PRSS16: variants seen among roughly 807,000 people sequenced by gnomAD.
PRSS16 encodes serine protease 16, also known as thymus-specific serine protease.
PRSS16 carries 43 observed loss-of-function variants against 61.7 expected under a neutral mutation model. The ratio of observed to expected loss-of-function variants is 0.70; its 90% CI spans 0.55 to 0.90. PRSS16 has a LOEUF of 0.90. Among genes scored for constraint, PRSS16 ranks in the 40% least tolerant of loss-of-function variants. The pLI is 0.00. For missense variants in PRSS16, 591 were observed against 659.1 expected, an observed-to-expected ratio of 0.90 and a Z score of 1.13; for synonymous variants, 273 against 285.2, an observed-to-expected ratio of 0.96 and a Z score of 0.43.
intron 9 of PRSS16, 44 bp from the exon 10 acceptor site, chr6:27,254,649 T>G (rs974870417): frequency 6.6e-7 from 1 of 1,509,772 alleles, no homozygotes; most frequent in African/African-American, 1.4e-5. Flanking sequence ...AGGAGAGTGG[T>G]GGGCTGCCTG....
rs755832764 is a variant in PRSS16, at chr6:27,248,064, G to T, written c.237+16G>T. On this transcript the variant is annotated intron_variant, in intron 2 of 11. Transcript: ENST00000230582. ...CTTCCTACAGGTGAGGCCGGGAGAC[G>T]GGGAGTCCACTAACCATCCTGCCCT... 4 of 1,609,196 alleles carry T rather than the reference G, an allele frequency of 2.5e-6. No homozygotes were observed. The highest frequency in any genetic ancestry group is 3.4e-6 in the Non-Finnish European group (4 of 1,177,924).
rs1246068750 is a variant in PRSS16 at position 27,251,239 on chromosome 6, G to A, written c.692G>A (p.Ser231Asn). Residue 231 changes from serine to asparagine, a missense_variant, in exon 7 of 12, where the codon AGC becomes AAC. Ser to Asn is a conservative substitution (Grantham distance 46, BLOSUM62 1). Transcript: ENST00000230582. The surrounding 1 kb of genome is among the most constrained non-coding windows in gnomAD (Gnocchi z 5.6). Reference sequence around the variant, plus strand: ...CAGGTGGTATCCCGAAGCCTAATGAGCACCGCGATCGGCGGGTCCCTGGAG... The same window carrying A: ...CAGGTGGTATCCCGAAGCCTAATGAACACCGCGATCGGCGGGTCCCTGGAG... ...YNDVVSRSLM[S>N]TAIGGSLECR... 6.2e-7 allele frequency: 1 copy of A among 1,611,030 alleles called. No individual in the cohort carries two copies. The highest frequency in any genetic ancestry group is 2.2e-5 in the East Asian group (1 of 44,792).
At chr6:27,253,457 A>G (rs1408317733) in intron 9 of PRSS16, 1 of 447,320 alleles carries the variant, frequency 2.2e-6, no homozygotes, top group Non-Finnish European at 4.5e-6. Context: ...CCTCTGTACA[A>G]TCCAACTTTT....
chr6:27,247,840 C>G, intron 1 of PRSS16, 33 bp downstream of exon 1: 2 of 1,613,392 alleles, frequency 1.2e-6, no homozygotes, highest in South Asian at 2.2e-5. Context: ...GCAGGGCATC[C>G]TAAGGGGGCC....
intron 9 of PRSS16, chr6:27,253,351 C>T (rs984430965): frequency 9.9e-5 from 33 of 333,410 alleles, no homozygotes; most frequent in African/African-American, 6.6e-4. Flanking sequence ...ATCCCTTGTG[C>T]TTTCTATGCC....
intron 4 of PRSS16, 94 bp downstream of exon 4, chr6:27,249,323 A>C: frequency 6.9e-7 from 1 of 1,444,470 alleles, no homozygotes; most frequent in African/African-American, 1.4e-5. Flanking sequence ...CCACTGTCTG[A>C]AGTCAACCTC....
At position 27,255,162 on chromosome 6, in the gene PRSS16, A is replaced by G; in HGVS notation, c.1476+31A>G. Reference sequence around the variant, plus strand: ...AGAAAAAAGGCTCTGAATCATTTGCATTCTCATTTGAATAATCACTTGCAT... The same window carrying G: ...AGAAAAAAGGCTCTGAATCATTTGCGTTCTCATTTGAATAATCACTTGCAT... On this transcript the variant is annotated intron_variant, in intron 11 of 11. Transcript: ENST00000230582. The surrounding 1 kb of genome is among the most constrained non-coding windows in gnomAD (Gnocchi z 4.4). 1 of 1,614,068 alleles carries G rather than the reference A, an allele frequency of 6.2e-7. No homozygotes were observed. Among genetic ancestry groups the G allele is most frequent in the Non-Finnish European group, 8.5e-7 (1 of 1,179,976 alleles).
At position 27,252,984 on chromosome 6, in the gene PRSS16, CA is replaced by C; in HGVS notation, c.1150+38del. 6.2e-7 allele frequency: 1 copy of C among 1,613,880 alleles called. No homozygotes were observed. The highest frequency in any genetic ancestry group is 2.2e-5 in the East Asian group (1 of 44,878). Reference sequence around the variant, plus strand: ...TGGCCTAACCCTAACTTTGTCCCCTCAAACAACCTTTTTACTATGCCCAGAG... The same window carrying C: ...TGGCCTAACCCTAACTTTGTCCCCTCAACAACCTTTTTACTATGCCCAGAG... On this transcript the variant is annotated intron_variant, in intron 9 of 11. Coordinates refer to ENST00000230582, the MANE Select transcript of PRSS16 (RefSeq NM_005865.4). The surrounding 1 kb of genome is among the most constrained non-coding windows in gnomAD (Gnocchi z 4.2).
In PRSS16 at chr6:27,248,901, C is replaced by T. The variant is rs375923335; in HGVS notation, c.292C>T (p.His98Tyr). The change falls in exon 3 of 12, where the codon CAT becomes TAT. Residue 98 changes from histidine (H) to tyrosine (Y), a missense_variant. Coordinates refer to ENST00000230582, the MANE Select transcript of PRSS16 (RefSeq NM_005865.4). ...TGGCCAGGATGGACCCATATTCCTG[C>T]ATCTAGGGGGTGAGGGCAGCCTTGG... ...WVGQDGPIFL[H>Y]LGGEGSLGPG... 1.9e-6 allele frequency: 3 copies of T among 1,613,024 alleles called. No homozygotes were observed. Among genetic ancestry groups the T allele is most frequent in the East Asian group, 4.5e-5 (2 of 44,870 alleles).
chr6:27,254,443 G>A lies in PRSS16; in HGVS notation c.1151-250G>A, dbSNP rs888729273. ...ATTTCTCAAGGTCTTATCCTTTGCA[G>A]GATGCTTTCCCTGAGCCCATCATGT... is the stretch of plus-strand genomic sequence containing the variant. On this transcript the variant is annotated intron_variant, in intron 9 of 11. Transcript: ENST00000230582. 1.0e-5 allele frequency: 5 copies of A among 478,726 alleles called. No homozygotes were observed. In the Admixed American group the frequency reaches 1.1e-4, roughly 10 times the overall value. The allele number at this position is 478,726 out of a possible 1,614,324, so 29.7% of individuals were successfully genotyped here.
At position 27,255,150 on chromosome 6, in the gene PRSS16, T is replaced by C; in HGVS notation, c.1476+19T>C. The C allele has an allele frequency of 6.2e-7, 1 of 1,614,116 alleles. No individual in the cohort carries two copies. The highest frequency in any genetic ancestry group is 8.5e-7 in the Non-Finnish European group (1 of 1,180,008). Reference sequence around the variant, plus strand: ...GCGCCAGGTAAGAGAAAAAAGGCTCTGAATCATTTGCATTCTCATTTGAAT... The same window carrying C: ...GCGCCAGGTAAGAGAAAAAAGGCTCCGAATCATTTGCATTCTCATTTGAAT... On this transcript the variant is annotated intron_variant, in intron 11 of 11. Coordinates refer to ENST00000230582, the MANE Select transcript of PRSS16 (RefSeq NM_005865.4). This position sits in a 1 kb window ranked among gnomAD's most constrained non-coding sequence, Gnocchi z 4.4.
In PRSS16 at chr6:27,251,825, T is replaced by C. The variant is rs758341689; in HGVS notation, c.793T>C (p.Leu265=). ...CTCGGGTGGGGCGGCTCAAGCAGCA[T>C]TGCGGACGGAGCTGAGCGCTTGCGG... ...LRSGGAAQAA[L]RTELSACGPL... The change falls in exon 8 of 12, where the codon TTG becomes CTG. Residue 265 remains leucine, a synonymous_variant. Coordinates refer to ENST00000230582, the MANE Select transcript of PRSS16 (RefSeq NM_005865.4). The surrounding 1 kb of genome is among the most constrained non-coding windows in gnomAD (Gnocchi z 5.6). 11 of 1,611,744 alleles carry C rather than the reference T, an allele frequency of 6.8e-6. No individual in the cohort carries two copies. In the East Asian group the frequency reaches 1.1e-4, roughly 16 times the overall value.
Position 27,251,684 on chromosome 6 carries a change from G to T in PRSS16, c.718-66G>T, listed in dbSNP as rs1389436511. Reference sequence around the variant, plus strand: ...AGTGGGGAACCCAAGGAGGACGCAGGTCCTGGGTAGGGAAAGCCGAGGCCC... The same window carrying T: ...AGTGGGGAACCCAAGGAGGACGCAGTTCCTGGGTAGGGAAAGCCGAGGCCC... On this transcript the variant is annotated intron_variant, in intron 7 of 11. Coordinates refer to ENST00000230582, the MANE Select transcript of PRSS16 (RefSeq NM_005865.4). This position sits in a 1 kb window ranked among gnomAD's most constrained non-coding sequence, Gnocchi z 5.6. 11 of 1,532,132 alleles carry T rather than the reference G, an allele frequency of 7.2e-6. No individual in the cohort carries two copies. The Middle Eastern group carries it at 1.2e-3, about 168-fold the overall frequency. 94.9% of individuals were successfully genotyped at this position (1,532,132 alleles called of 1,614,324 possible).
Position 27,251,549 on chromosome 6 carries a change from G to GGGAAGA in PRSS16, c.718-200_718-195dup. 1 of 747,902 alleles carries GGGAAGA rather than the reference G, an allele frequency of 1.3e-6. No individual in the cohort carries two copies. Among genetic ancestry groups the GGGAAGA allele is most frequent in the South Asian group, 2.0e-5 (1 of 49,602 alleles). The allele number at this position is 747,902 out of a possible 1,614,324, so 46.3% of individuals were successfully genotyped here. ...GCCACAATGGAGGACGGGGCCTGCA[G>GGGAAGA]GGAAGACCCGAGAAGGAGGGCTGCG... On this transcript the variant is annotated intron_variant, in intron 7 of 11. Coordinates refer to ENST00000230582, the MANE Select transcript of PRSS16 (RefSeq NM_005865.4). This position sits in a 1 kb window ranked among gnomAD's most constrained non-coding sequence, Gnocchi z 5.6.
In PRSS16 at chr6:27,252,862, G is replaced by A. The variant is rs1263265448; in HGVS notation, c.1063G>A (p.Val355Met). The A allele has an allele frequency of 6.2e-7, 1 of 1,614,186 alleles. No homozygotes were observed. The highest frequency in any genetic ancestry group is 1.1e-5 in the South Asian group (1 of 91,078). Residue 355 changes from valine (V) to methionine (M), a missense_variant, in exon 9 of 12, where the codon GTG becomes ATG. Coordinates refer to ENST00000230582, the MANE Select transcript of PRSS16 (RefSeq NM_005865.4). The surrounding 1 kb of genome is among the most constrained non-coding windows in gnomAD (Gnocchi z 4.2). ...TTTAAGCTTTTCCCGAGCAGAGACA[G>A]TGGCACAGCTGAGGAGCACAGAACC... ...KCLSFSRAET[V>M]AQLRSTEPQL...
rs531202654 is a variant in PRSS16, at chr6:27,251,404, T to G, written c.717+140T>G. On this transcript the variant is annotated intron_variant, in intron 7 of 11. Coordinates refer to ENST00000230582, the MANE Select transcript of PRSS16 (RefSeq NM_005865.4). This position sits in a 1 kb window ranked among gnomAD's most constrained non-coding sequence, Gnocchi z 5.6. ...TCGGAGCTCGGGGGAATACGCAGGTTTTGGAAGAAGGCGGGAGCTGACGAA... is the reference window on the plus strand; with the variant it reads ...TCGGAGCTCGGGGGAATACGCAGGTGTTGGAAGAAGGCGGGAGCTGACGAA... 1.1e-4 allele frequency: 130 copies of G among 1,135,562 alleles called. 1 individual carries two copies. In the African/African-American group the frequency reaches 1.7e-3, roughly 15 times the overall value. The allele number at this position is 1,135,562 out of a possible 1,614,324, so 70.3% of individuals were successfully genotyped here. A position where few individuals can be genotyped will look rare whatever the true frequency, so the allele number is the denominator to read the frequency against.
In PRSS16 at chr6:27,255,423, G is replaced by A; in HGVS notation, c.*108G>A. The A allele has an allele frequency of 8.5e-7, 1 of 1,180,848 alleles. No homozygotes were observed. The highest frequency in any genetic ancestry group is 1.2e-6 in the Non-Finnish European group (1 of 831,436). The allele number at this position is 1,180,848 out of a possible 1,614,324, so 73.1% of individuals were successfully genotyped here. A position where few individuals can be genotyped will look rare whatever the true frequency, so the allele number is the denominator to read the frequency against. On this transcript the variant is annotated 3_prime_UTR_variant, in exon 12 of 12. Coordinates refer to ENST00000230582, the MANE Select transcript of PRSS16 (RefSeq NM_005865.4). The surrounding 1 kb of genome is among the most constrained non-coding windows in gnomAD (Gnocchi z 4.4). ...TGAAAGAAGAAACTCCCAGGAATTGGAATTCAGCACCTGTTCCGCACGTAA... is the reference window on the plus strand; with the variant it reads ...TGAAAGAAGAAACTCCCAGGAATTGAAATTCAGCACCTGTTCCGCACGTAA...
intron 2 of PRSS16, 116 bp from the exon 3 acceptor site, chr6:27,248,731 C>A: frequency 3.4e-6 from 2 of 594,878 alleles, no homozygotes; most frequent in South Asian, 3.8e-5. Context: ...TCATTTCAGA[C>A]ACTGTTAAGT....
chr6:27,254,806 G>A lies in PRSS16; in HGVS notation c.1264G>A (p.Val422Met), dbSNP rs1280662910. 1.2e-6 allele frequency: 2 copies of A among 1,614,220 alleles called. No homozygotes were observed. The highest frequency in any genetic ancestry group is 1.7e-6 in the Non-Finnish European group (2 of 1,180,046). Residue 422 changes from valine to methionine, a missense_variant, in exon 10 of 12, where the codon GTG (valine) becomes ATG (methionine). Coordinates refer to ENST00000230582, the MANE Select transcript of PRSS16 (RefSeq NM_005865.4). ...CTCAGCCTTGTCAGTAGCCCAGGCT[G>A]TGGCTCAGACGAACTCCTACTACGG... ...GLSALSVAQA[V>M]AQTNSYYGGQ...
Sources: allele counts gnomAD v4.1 joint callset, GRCh38; gene constraint gnomAD v4.1.1; non-coding constraint Gnocchi (gnomAD v3.1); transcripts MANE v1.5; gene names NCBI Gene and HGNC (gene_info 2026-07-23, HGNC 2026-07-21).